Variants in RPH3AL observed in about 807,000 individuals in gnomAD.
The protein encoded by RPH3AL is rabphilin 3A like (without C2 domains), also known as rab effector Noc2.
In RPH3AL, 38 loss-of-function variants were observed where a neutral mutation model predicts 43.1. The ratio of observed to expected loss-of-function variants is 0.88; its 90% CI spans 0.68 to 1.15. The LOEUF (loss-of-function observed/expected upper bound fraction) is 1.15. RPH3AL is among the 50% of genes most tolerant of loss of function. RPH3AL has a pLI of 0.00. For missense variants in RPH3AL, 462 were observed against 423.2 expected (o/e 1.09, Z -0.81); for synonymous variants, 189 against 176.3 (o/e 1.07, Z -0.57).
At position 273,129 on chromosome 17, in the gene RPH3AL, TCAGGGAGAGACCCCAGCGAGGGTGATG is replaced by T. The variant is rs1218718027; in HGVS notation, c.438+8612_438+8638del. 3.9e-4 allele frequency among the ~76,000 whole-genome samples: 30 copies of T among 77,712 alleles called. 1 individual carries two copies. The highest frequency in any genetic ancestry group is 9.3e-4 in the East Asian group (2 of 2,146). 51.0% of individuals were successfully genotyped at this position (77,712 alleles called of 152,430 possible). On this transcript the variant is annotated intron_variant, in intron 6 of 9. Transcript: ENST00000331302. ...GGGAGAGACCCCAGCGAGGGTGACG[TCAGGGAGAGACCCCAGCGAGGGTGATG>T]TCAGGGTGAGACCCCAGCGCGGGTG...
intron 5 of RPH3AL, among the ~76,000 whole-genome samples, chr17:316,052 A>AATCCAC (rs2044142801): frequency 2.1e-5 from 1 of 48,600 alleles, no homozygotes; most frequent in Non-Finnish European, 4.1e-5. Context: ...AGTCCCTGTG[A>AATCCAC]CTCCACCTCC....
intron 7 of RPH3AL, among the ~76,000 whole-genome samples, chr17:235,452 G>C (rs939060692): frequency 7.2e-6 from 1 of 139,370 alleles, no homozygotes; most frequent in African/African-American, 2.7e-5. Flanking sequence ...GAGGGATGCA[G>C]GGTTCAAAGC....
At position 215,755 on chromosome 17, in the gene RPH3AL, G is replaced by A. The variant is rs1331502622; in HGVS notation, c.775C>T (p.His259Tyr). ...PRMGFTHPPG[H>Y]LSGCQSSLAS... Reference sequence around the variant, plus strand: ...AGGCTGCTCTGGCACCCAGAGAGGTGGCCCGGCGGGTGGGTGAACCCCATC... The same window carrying A: ...AGGCTGCTCTGGCACCCAGAGAGGTAGCCCGGCGGGTGGGTGAACCCCATC... The change falls in exon 9 of 10, where the codon CAC (histidine) becomes TAC (tyrosine). Residue 259 changes from histidine to tyrosine, a missense_variant. Physicochemically the swap from His to Tyr is moderately conservative, Grantham distance 83. Coordinates refer to ENST00000331302, the MANE Select transcript of RPH3AL (RefSeq NM_006987.4). The surrounding 1 kb of genome is among the most constrained non-coding windows in gnomAD (Gnocchi z 4.1). 3.8e-6 allele frequency: 5 copies of A among 1,306,078 alleles called. No individual in the cohort carries two copies. Among genetic ancestry groups the A allele is most frequent in the Non-Finnish European group, 3.9e-6 (4 of 1,023,862 alleles). The allele number at this position is 1,306,078 out of a possible 1,614,324, so 80.9% of individuals were successfully genotyped here. A position where few individuals can be genotyped will look rare whatever the true frequency, so the allele number is the denominator to read the frequency against.
rs898142627 is a variant in RPH3AL, at chr17:328,232, G to A, written c.-36-653C>T. 5.9e-5 allele frequency among the ~76,000 whole-genome samples: 9 copies of A among 151,900 alleles called. No individual in the cohort carries two copies. Among genetic ancestry groups the A allele is most frequent in the African/African-American group, 2.2e-4 (9 of 41,424 alleles). On this transcript the variant is annotated intron_variant, in intron 2 of 9. Coordinates refer to ENST00000331302, the MANE Select transcript of RPH3AL (RefSeq NM_006987.4). The surrounding 1 kb of genome is among the most constrained non-coding windows in gnomAD (Gnocchi z 4.2). Reference sequence around the variant, plus strand: ...GGCCCTGCTCCAGGACCCCCTGAGGGCTTCACCTGTGCACTGTCTAGTGTG... The same window carrying A: ...GGCCCTGCTCCAGGACCCCCTGAGGACTTCACCTGTGCACTGTCTAGTGTG...
intron 5 of RPH3AL, among the ~76,000 whole-genome samples, chr17:295,521 A>ACGG (rs1491139496): frequency 9.2e-5 from 5 of 54,282 alleles, no homozygotes; most frequent in African/African-American, 4.1e-4. Context: ...AGAAATGGAA[A>ACGG]GCAGAGGGAA....
chr17:319,695 A>T, intron 4 of RPH3AL, 146 bp from the exon 5 acceptor site: 3 of 928,180 alleles, frequency 3.2e-6, no homozygotes, highest in Non-Finnish European at 4.8e-6. Flanking sequence ...GATAACAGCG[A>T]ATCCTTCATT....
intron 2 of RPH3AL, 123 bp from the exon 3 acceptor site, chr17:327,702 G>A (rs2044651618): frequency 1.6e-6 from 1 of 616,480 alleles, no homozygotes; most frequent in Non-Finnish European, 2.9e-6. Flanking sequence ...ACTGATGCCT[G>A]GAATCTCACT....
intron 6 of RPH3AL, among the ~76,000 whole-genome samples, chr17:263,503 C>A (rs1240999212): frequency 6.6e-6 from 1 of 152,228 alleles, no homozygotes; most frequent in African/African-American, 2.4e-5. Flanking sequence ...GACTGCCGTT[C>A]CCCAACGTTA....
chr17:326,711 G>A (rs138348054), intron 3 of RPH3AL, among the ~76,000 whole-genome samples: 2,582 of 152,266 alleles, frequency 0.017, 73 homozygotes, highest in African/African-American at 0.059. Flanking sequence ...TAAAACCCCC[G>A]TCTCTACTAA....
intron 5 of RPH3AL, among the ~76,000 whole-genome samples, chr17:294,889 A>ATGG (rs1567622002): frequency 2.6e-4 from 8 of 30,816 alleles, no homozygotes; most frequent in African/African-American, 1.2e-3. Context: ...AGAAATGGAC[A>ATGG]GCAGAGGGAA....
intron 6 of RPH3AL, among the ~76,000 whole-genome samples, chr17:269,023 C>T (rs904907106): frequency 1.2e-4 from 18 of 152,210 alleles, no homozygotes; most frequent in Non-Finnish European, 1.6e-4. Context: ...GGACTACAGG[C>T]GCCCGCCACC....
At chr17:305,506 C>T (rs1376685369) in intron 5 of RPH3AL, among the ~76,000 whole-genome samples, 2 of 152,164 alleles carry the variant, frequency 1.3e-5, no homozygotes, top group Non-Finnish European at 2.9e-5. Flanking sequence ...TCGGTTCCTT[C>T]TCCACTGGAT....
At chr17:320,892 G>A (rs2044450697) in intron 4 of RPH3AL, among the ~76,000 whole-genome samples, 1 of 152,224 alleles carries the variant, frequency 6.6e-6, no homozygotes, top group African/African-American at 2.4e-5. Flanking sequence ...GGCTCCTGCT[G>A]GAGCCTTTCA....
At chr17:306,350 C>A (rs1376581405) in intron 5 of RPH3AL, 1 of 152,082 alleles carries the variant, frequency 6.6e-6, no homozygotes, top group Non-Finnish European at 1.5e-5. Flanking sequence ...GTAAGGCCAT[C>A]AGACCCAGCC....
At chr17:293,542 T>C (rs1276892810) in intron 5 of RPH3AL, among the ~76,000 whole-genome samples, 1 of 152,130 alleles carries the variant, frequency 6.6e-6, no homozygotes, top group Non-Finnish European at 1.5e-5. Context: ...GGTTAACCTC[T>C]GCATCCCCTC....
chr17:315,633 C>G (rs200864617), intron 5 of RPH3AL, among the ~76,000 whole-genome samples: 4,153 of 129,432 alleles, frequency 0.032, no homozygotes, highest in Admixed American at 0.052. Context: ...ACTCCACCTC[C>G]ACTGACCTGT....
intron 6 of RPH3AL, among the ~76,000 whole-genome samples, chr17:270,146 G>C (rs1177501521): frequency 6.6e-6 from 1 of 152,112 alleles, no homozygotes. Context: ...GAGTGAGGCA[G>C]GCACAGACGG....
At chr17:344,530 TCAC>T (rs2045201148) in intron 1 of RPH3AL, among the ~76,000 whole-genome samples, 1 of 132,882 alleles carries the variant, frequency 7.5e-6, no homozygotes, top group South Asian at 2.5e-4. Context: ...ACTATCATCA[TCAC>T]CATCATCATG....
intron 5 of RPH3AL, among the ~76,000 whole-genome samples, chr17:309,788 G>A (rs1342856524): frequency 6.6e-6 from 1 of 152,082 alleles, no homozygotes; most frequent in Non-Finnish European, 1.5e-5. Context: ...AGGGGTCCGG[G>A]ATGACTCTCA....
Sources: gnomAD v4.1 joint callset for allele counts (sites outside exome capture counted in the v4.1 genomes callset) on GRCh38, gnomAD v4.1.1 for gene constraint, Gnocchi (gnomAD v3.1) non-coding constraint, MANE v1.5 for transcripts, NCBI Gene and HGNC (gene_info 2026-07-23, HGNC 2026-07-21) for gene names.